The following ANKRD55 variants were observed in gnomAD, a reference collection of about 807,000 sequenced individuals.
ANKRD55 encodes ankyrin repeat domain 55.
ANKRD55 carries 41 observed loss-of-function variants against 60.6 expected under a neutral mutation model. The observed-to-expected ratio is 0.68, with a 90% CI of 0.53 to 0.88. The LOEUF is 0.88. ANKRD55 is among the 40% of genes least tolerant of loss of function. The probability of loss-of-function intolerance (pLI) is 0.00; values close to 1 mark genes in which losing one functional copy is unlikely to be tolerated. For missense variants in ANKRD55, 732 were observed against 767.6 expected, an observed-to-expected ratio of 0.95 and a Z score of 0.55; for synonymous variants, 264 against 290.3, an observed-to-expected ratio of 0.91 and a Z score of 0.92.
chr5:56,194,312 T>A (rs1388610976), intron 2 of ANKRD55, among the ~76,000 whole-genome samples: 11 of 139,362 alleles, frequency 7.9e-5, no homozygotes, highest in African/African-American at 2.9e-4. Context: ...TGAGACTCCA[T>A]CTCAAAAAAA....
At chr5:56,111,096 A>G in intron 10 of ANKRD55, 22 bp downstream of exon 10, 2 of 1,601,396 alleles carry the variant, frequency 1.2e-6, no homozygotes, top group Non-Finnish European at 1.7e-6. Context: ...GCTGAGAATG[A>G]ACATGAAATC....
intron 6 of ANKRD55, among the ~76,000 whole-genome samples, chr5:56,145,386 ATCT>A (rs946057377): frequency 1.9e-4 from 29 of 152,324 alleles, no homozygotes; most frequent in Admixed American, 1.9e-3. Flanking sequence ...GGTCCTCCAC[ATCT>A]TCTTTTTTTC....
intron 9 of ANKRD55, 51 bp from the exon 10 acceptor site, chr5:56,111,833 A>G (rs574171588): frequency 7.0e-7 from 1 of 1,419,288 alleles, no homozygotes; most frequent in East Asian, 2.5e-5. Context: ...GGAAGTAGAG[A>G]CATCACTCAC....
At chr5:56,187,132 A>G (rs1474893018) in intron 2 of ANKRD55, among the ~76,000 whole-genome samples, 1 of 152,232 alleles carries the variant, frequency 6.6e-6, no homozygotes, top group Admixed American at 6.5e-5. Context: ...CTAATTAGAT[A>G]GTATTTAATA....
At chr5:56,194,651 C>A (rs1759189938) in intron 2 of ANKRD55, among the ~76,000 whole-genome samples, 1 of 152,136 alleles carries the variant, frequency 6.6e-6, no homozygotes, top group Admixed American at 6.5e-5. Flanking sequence ...TGTTTAGCCA[C>A]CCTTGAATAC....
Position 56,100,179 on chromosome 5 carries a change from A to G in ANKRD55, c.*4T>C, listed in dbSNP as rs569973550. 16 of 1,614,184 alleles carry G rather than the reference A, an allele frequency of 9.9e-6. No individual in the cohort carries two copies. In the East Asian group the frequency reaches 3.1e-4, roughly 31 times the overall value. ...TCTACATTTCTGCAGCGAGTGGCCC[A>G]CAGTTAATTTTCATCACTGGTGGGG... On this transcript the variant is annotated 3_prime_UTR_variant, in exon 12 of 12. Coordinates refer to ENST00000341048, the MANE Select transcript of ANKRD55 (RefSeq NM_024669.3).
intron 6 of ANKRD55, among the ~76,000 whole-genome samples, chr5:56,154,858 G>T (rs1177839405): frequency 6.6e-6 from 1 of 152,054 alleles, no homozygotes; most frequent in Non-Finnish European, 1.5e-5. Context: ...CAAAGTGCTG[G>T]GATTACAGGC....
At chr5:56,166,103 T>TTTCTTTCTTTC (rs1370787096) in intron 5 of ANKRD55, among the ~76,000 whole-genome samples, 3,417 of 50,606 alleles carry the variant, frequency 0.068, 240 homozygotes, top group Non-Finnish European at 0.096. Context: ...TCTTTCTTTC[T>TTTCTTTCTTTC]TTCTTTCTTT....
At chr5:56,135,468 C>G (rs913199660) in intron 7 of ANKRD55, among the ~76,000 whole-genome samples, 3 of 151,776 alleles carry the variant, frequency 2.0e-5, no homozygotes, top group African/African-American at 7.3e-5. Context: ...CTCCCAGGTT[C>G]AAGCGATTCT....
chr5:56,162,337 G>C (rs1270796273), intron 5 of ANKRD55, among the ~76,000 whole-genome samples: 3 of 152,164 alleles, frequency 2.0e-5, no homozygotes, highest in Non-Finnish European at 2.9e-5. Context: ...GCCCTGCTCT[G>C]AGGCTGACTT....
chr5:56,219,674 A>T (rs967259158), intron 2 of ANKRD55, among the ~76,000 whole-genome samples: 1 of 151,824 alleles, frequency 6.6e-6, no homozygotes, highest in South Asian at 2.1e-4. Context: ...TTACAAGTGC[A>T]TTAATCATGT....
At chr5:56,212,074 ACACACACACACACACG>A (rs1442303561) in intron 2 of ANKRD55, among the ~76,000 whole-genome samples, 1 of 136,500 alleles carries the variant, frequency 7.3e-6, no homozygotes, top group Non-Finnish European at 1.5e-5. Context: ...ACACACACAC[ACACACACACACACACG>A]CGTACCTATA....
chr5:56,157,826 G>A (rs748957447), intron 6 of ANKRD55, among the ~76,000 whole-genome samples: 29 of 152,084 alleles, frequency 1.9e-4, no homozygotes, highest in Non-Finnish European at 2.6e-4. Flanking sequence ...GCCGGCGCGC[G>A]TCCTCCTTAT....
chr5:56,197,710 G>A (rs1330361898), intron 2 of ANKRD55, among the ~76,000 whole-genome samples: 12 of 151,974 alleles, frequency 7.9e-5, no homozygotes, highest in South Asian at 2.1e-4. Flanking sequence ...AATTTTTGTC[G>A]CAGTTTGTTT....
At chr5:56,135,879 A>G (rs905109386) in intron 7 of ANKRD55, among the ~76,000 whole-genome samples, 3 of 152,232 alleles carry the variant, frequency 2.0e-5, no homozygotes, top group Admixed American at 2.0e-4. Flanking sequence ...ACAGGCTAAT[A>G]TACAAAAGTT....
At chr5:56,151,902 T>C (rs1758061110) in intron 6 of ANKRD55, among the ~76,000 whole-genome samples, 1 of 144,482 alleles carries the variant, frequency 6.9e-6, no homozygotes, top group African/African-American at 2.7e-5. Flanking sequence ...CACACGTATA[T>C]GTGTGTATAT....
At chr5:56,161,145 T>C (rs1580992098) in intron 5 of ANKRD55, among the ~76,000 whole-genome samples, 2 of 142,334 alleles carry the variant, frequency 1.4e-5, no homozygotes. Flanking sequence ...CCTGGAGAGA[T>C]TTTTTTTTTT....
At chr5:56,148,409 G>T (rs1757952393) in intron 6 of ANKRD55, among the ~76,000 whole-genome samples, 1 of 152,260 alleles carries the variant, frequency 6.6e-6, no homozygotes, top group South Asian at 2.1e-4. Context: ...CAAAGAGTGA[G>T]GAGGAACACA....
chr5:56,122,884 G>A (rs1248707452), intron 8 of ANKRD55, among the ~76,000 whole-genome samples: 1 of 151,628 alleles, frequency 6.6e-6, no homozygotes, highest in East Asian at 2.0e-4. Flanking sequence ...TCACATGTCA[G>A]CCCCCTGAGT....
Sources: gnomAD v4.1 joint callset for allele counts (sites outside exome capture counted in the v4.1 genomes callset) on GRCh38, gnomAD v4.1.1 for gene constraint, MANE v1.5 for transcripts, NCBI Gene and HGNC (gene_info 2026-07-23, HGNC 2026-07-21) for gene names.